The following SCAF8 variants were observed in gnomAD, a reference collection of about 807,000 sequenced individuals.
SCAF8 encodes the protein SR-related and CTD-associated factor 8.
In SCAF8, 23 loss-of-function variants were observed where a neutral mutation model predicts 140.5. The observed-to-expected ratio is 0.16, with a 90% CI of 0.12 to 0.23. SCAF8 has a LOEUF of 0.23. Ranked by LOEUF, SCAF8 falls within the 10% of genes least tolerant of loss-of-function variation. SCAF8 has a pLI of 1.00. For synonymous variants in SCAF8, 575 were observed against 528.9 expected, an observed-to-expected ratio of 1.09 and a Z score of -1.20; for missense variants, 1,397 against 1,555.7, an observed-to-expected ratio of 0.90 and a Z score of 1.72.
chr6:154,813,935 C>T (rs1778171733), intron 12 of SCAF8, among the ~76,000 whole-genome samples: 1 of 152,182 alleles, frequency 6.6e-6, no homozygotes. Context: ...TCCCCTAGAG[C>T]CCTCTAGAGG....
At chr6:154,776,383 G>GT (rs1469290157) in intron 2 of SCAF8, among the ~76,000 whole-genome samples, 2 of 151,912 alleles carry the variant, frequency 1.3e-5, no homozygotes, top group African/African-American at 2.4e-5. Flanking sequence ...GTAAGTCATT[G>GT]TTTTTTATAT....
rs752560349 is a variant in SCAF8 at position 154,831,906 on chromosome 6, T to G, written c.2360-33T>G. 4 of 1,544,818 alleles carry G rather than the reference T, an allele frequency of 2.6e-6. No homozygotes were observed. In the Admixed American group the frequency reaches 8.2e-5, roughly 32 times the overall value. On this transcript the variant is annotated intron_variant, in intron 19 of 19. Coordinates refer to ENST00000367178, the MANE Select transcript of SCAF8 (RefSeq NM_014892.5). ...AATTATTGGAAACTTTTGACTGTTA[T>G]TTTGAGTTTTTTCTCTCTCTCTTTT...
intron 4 of SCAF8, among the ~76,000 whole-genome samples, chr6:154,791,166 T>A (rs138685400): frequency 0.015 from 2,336 of 152,316 alleles, 22 homozygotes; most frequent in Middle Eastern, 0.051. Flanking sequence ...GCCTATTAAG[T>A]TTGAAGCTTT....
At chr6:154,765,739 A>G (rs1776545050) in intron 1 of SCAF8, among the ~76,000 whole-genome samples, 1 of 152,172 alleles carries the variant, frequency 6.6e-6, no homozygotes, top group South Asian at 2.1e-4. Flanking sequence ...ATTGTAGGGG[A>G]AATTTTTATC....
chr6:154,735,347 A>G (rs1272059760), intron 1 of SCAF8, among the ~76,000 whole-genome samples: 2 of 152,096 alleles, frequency 1.3e-5, no homozygotes, highest in African/African-American at 4.8e-5. Flanking sequence ...TAATTTCTTT[A>G]AAAAGAAAAA....
chr6:154,763,885 A>AG (rs1380092591), intron 1 of SCAF8, among the ~76,000 whole-genome samples: 1 of 152,218 alleles, frequency 6.6e-6, no homozygotes, highest in East Asian at 1.9e-4. Flanking sequence ...CTTGCTACAA[A>AG]GGGCAGAGCT....
At chr6:154,740,799 A>C (rs1249478055) in intron 1 of SCAF8, among the ~76,000 whole-genome samples, 1 of 151,792 alleles carries the variant, frequency 6.6e-6, no homozygotes, top group East Asian at 1.9e-4. Context: ...TTGTGTTTTG[A>C]ATAGAGATGG....
chr6:154,773,843 C>T (rs1583022655), intron 1 of SCAF8, 146 bp from the exon 2 acceptor site: 4 of 620,972 alleles, frequency 6.4e-6, no homozygotes, highest in African/African-American at 1.8e-5. Flanking sequence ...TTTGCATTTG[C>T]CTTATGGGCA....
intron 3 of SCAF8, among the ~76,000 whole-genome samples, chr6:154,783,371 ACT>A (rs978999645): frequency 6.6e-6 from 1 of 152,068 alleles, no homozygotes; most frequent in Non-Finnish European, 1.5e-5. Flanking sequence ...TACTGTGGCT[ACT>A]CTTAGATACG....
chr6:154,830,969 G>A lies in SCAF8; in HGVS notation c.2188G>A (p.Val730Ile). Residue 730 changes from valine to isoleucine, a missense_variant, in exon 19 of 20, where the codon GTT (valine) becomes ATT (isoleucine). Coordinates refer to ENST00000367178, the MANE Select transcript of SCAF8 (RefSeq NM_014892.5). ...CATGACACCGGAAACTGTGAAAGAT[G>A]TTGGATTTGGTAGCCTTGTTATACC... is the stretch of plus-strand genomic sequence containing the variant. ...LSMTPETVKDVGFGSLVIPGG... is the reference protein window; with the variant it reads ...LSMTPETVKDIGFGSLVIPGG... 6.2e-7 allele frequency: 1 copy of A among 1,614,142 alleles called. No individual in the cohort carries two copies. The highest frequency in any genetic ancestry group is 8.5e-7 in the Non-Finnish European group (1 of 1,179,982).
intron 18 of SCAF8, among the ~76,000 whole-genome samples, chr6:154,828,919 G>GACAT (rs1332911279): frequency 6.6e-6 from 1 of 152,060 alleles, no homozygotes; most frequent in Non-Finnish European, 1.5e-5. Flanking sequence ...ATACAATATA[G>GACAT]ACATACACAT....
intron 3 of SCAF8, among the ~76,000 whole-genome samples, chr6:154,784,122 T>TATATATAC (rs1554260637): frequency 5.4e-5 from 1 of 18,690 alleles, no homozygotes; most frequent in African/African-American, 2.9e-4. Flanking sequence ...TGTCTTGAGA[T>TATATATAC]ATATATATAT....
chr6:154,774,139 T>TTTTTTTTTTG (rs1776852255), intron 2 of SCAF8, 67 bp downstream of exon 2: 6 of 1,017,742 alleles, frequency 5.9e-6, no homozygotes, highest in Non-Finnish European at 4.6e-6. Flanking sequence ...GGATGGGGGA[T>TTTTTTTTTTG]AATTTTTTTA....
intron 13 of SCAF8, among the ~76,000 whole-genome samples, chr6:154,818,091 G>A (rs979332731): frequency 2.3e-4 from 35 of 152,194 alleles, no homozygotes; most frequent in African/African-American, 8.2e-4. Flanking sequence ...GGAATAAATT[G>A]TTGCCTTCAA....
chr6:154,787,540 T>C (rs563927814), intron 3 of SCAF8, among the ~76,000 whole-genome samples: 1 of 150,390 alleles, frequency 6.6e-6, no homozygotes, highest in South Asian at 2.1e-4. Context: ...CTGAATTTGC[T>C]TCTTTCTTCC....
At chr6:154,795,255 G>A (rs1257773368) in intron 6 of SCAF8, 116 bp downstream of exon 6, 1 of 810,676 alleles carries the variant, frequency 1.2e-6, no homozygotes, top group African/African-American at 1.8e-5. Flanking sequence ...ATAAAAATGG[G>A]ACCATTATGT....
chr6:154,791,164 AG>A (rs1777408896), intron 4 of SCAF8, among the ~76,000 whole-genome samples: 1 of 152,228 alleles, frequency 6.6e-6, no homozygotes, highest in East Asian at 1.9e-4. Flanking sequence ...CTGCCTATTA[AG>A]TTTGAAGCTT....
At chr6:154,741,890 CT>C in intron 1 of SCAF8, 1 of 1,114,510 alleles carries the variant, frequency 9.0e-7, no homozygotes, top group South Asian at 1.3e-5. Flanking sequence ...AGCTCCTGAA[CT>C]TTTAAGTGAG....
At chr6:154,800,953 C>G (rs1316320106) in intron 6 of SCAF8, among the ~76,000 whole-genome samples, 1 of 151,288 alleles carries the variant, frequency 6.6e-6, no homozygotes, top group Non-Finnish European at 1.5e-5. Flanking sequence ...AGGGATAGTA[C>G]AAACAGAGTC....
Sources: gnomAD v4.1 joint callset for allele counts (sites outside exome capture counted in the v4.1 genomes callset) on GRCh38, gnomAD v4.1.1 for gene constraint, MANE v1.5 for transcripts, NCBI Gene and HGNC (gene_info 2026-07-23, HGNC 2026-07-21) for gene names.